Variants in DMD observed in about 807,000 individuals in gnomAD.
DMD encodes mutant dystrophin.
DMD carries 63 observed loss-of-function variants against 330.1 expected under a neutral mutation model. That is an observed-to-expected ratio of 0.19 (90% CI 0.16 to 0.24). The LOEUF (loss-of-function observed/expected upper bound fraction) is 0.24, where lower values mean the gene tolerates loss of function less well. Among genes scored for constraint, DMD ranks in the 10% least tolerant of loss-of-function variants. DMD has a pLI of 1.00. For synonymous variants in DMD, 1,223 were observed against 959.8 expected (o/e 1.27, Z -5.07); for missense variants, 3,344 against 2,684.1 (o/e 1.25, Z -5.43).
intron 37 of DMD, among the ~76,000 whole-genome samples, chrX:32,360,400 G>C (rs529952316): frequency 7.2e-5 from 8 of 111,454 alleles, no homozygotes; most frequent in African/African-American, 2.6e-4. Flanking sequence ...CCCTAAAATG[G>C]GGTCATTGTT....
At chrX:32,938,963 A>C (rs1168749504) in intron 2 of DMD, among the ~76,000 whole-genome samples, 1 of 110,835 alleles carries the variant, frequency 9.0e-6, no homozygotes, top group Non-Finnish European at 1.9e-5. Context: ...GAGAAAAAAA[A>C]TAGTTGTTGC....
chrX:32,859,783 T>C (rs1733288186), intron 2 of DMD, among the ~76,000 whole-genome samples: 1 of 111,410 alleles, frequency 9.0e-6, no homozygotes, highest in Non-Finnish European at 1.9e-5. Flanking sequence ...CATGTCTTTG[T>C]TGCAGGTGGC....
chrX:31,736,576 T>G (rs1294292699), intron 51 of DMD, among the ~76,000 whole-genome samples: 1 of 111,941 alleles, frequency 8.9e-6, no homozygotes, highest in Non-Finnish European at 1.9e-5. Flanking sequence ...TTAGAAACAT[T>G]TACTAAACTG....
intron 1 of DMD, among the ~76,000 whole-genome samples, chrX:33,114,901 C>G (rs376293927): frequency 9.0e-6 from 1 of 111,258 alleles, no homozygotes; most frequent in East Asian, 2.8e-4. Flanking sequence ...GTTAATTTGG[C>G]TAAATCTGCC....
chrX:32,666,023 G>A (rs2061279155), intron 9 of DMD, among the ~76,000 whole-genome samples: 2 of 110,968 alleles, frequency 1.8e-5, no homozygotes, highest in South Asian at 7.6e-4. Context: ...CTCAAGAACT[G>A]TTGAAAAAAT....
intron 74 of DMD, among the ~76,000 whole-genome samples, chrX:31,152,826 C>T (rs939841981): frequency 7.1e-5 from 8 of 112,871 alleles, no homozygotes; most frequent in Non-Finnish European, 1.5e-4. Flanking sequence ...AGGTGTGAGC[C>T]ACTGTTCCCA....
intron 62 of DMD, among the ~76,000 whole-genome samples, chrX:31,281,080 T>A (rs2052575797): frequency 8.9e-6 from 1 of 111,943 alleles, no homozygotes; most frequent in Admixed American, 9.5e-5. Flanking sequence ...TGGGCAAAAC[T>A]GGCCAAATGA....
chrX:31,816,793 G>GTC (rs1178372759), intron 50 of DMD, among the ~76,000 whole-genome samples: 6 of 26,789 alleles, frequency 2.2e-4, no homozygotes, highest in East Asian at 1.6e-3. Context: ...GCAAGATTCT[G>GTC]TCACACACAC....
At chrX:33,228,961 G>T (rs1013801492) in intron 1 of DMD, among the ~76,000 whole-genome samples, 3 of 110,475 alleles carry the variant, frequency 2.7e-5, no homozygotes, top group African/African-American at 9.8e-5. Flanking sequence ...ATATTTGCTT[G>T]ATGTCTAGTG....
intron 7 of DMD, among the ~76,000 whole-genome samples, chrX:32,732,837 G>T (rs769852059): frequency 9.1e-6 from 1 of 109,975 alleles, no homozygotes; most frequent in African/African-American, 3.3e-5. Flanking sequence ...ATTGAGACTA[G>T]GAAGAAACTG....
chrX:32,673,062 CGTGTGT>C (rs1424482823), intron 9 of DMD, among the ~76,000 whole-genome samples: 1 of 110,670 alleles, frequency 9.0e-6, no homozygotes, highest in African/African-American at 3.3e-5. Context: ...TGTGCATGTG[CGTGTGT>C]GTGTCTGCAT....
intron 44 of DMD, among the ~76,000 whole-genome samples, chrX:32,062,387 T>C (rs1170240703): frequency 9.0e-6 from 1 of 111,080 alleles, no homozygotes; most frequent in Non-Finnish European, 1.9e-5. Flanking sequence ...TGACAAGAGC[T>C]AGACACAGAA....
intron 11 of DMD, among the ~76,000 whole-genome samples, chrX:32,633,654 A>C (rs1041965920): frequency 8.9e-6 from 1 of 111,976 alleles, no homozygotes; most frequent in African/African-American, 3.3e-5. Context: ...GTAATTTATA[A>C]AGAAAAGACG....
chrX:33,267,623 C>G (rs1197035425), intron 1 of DMD, among the ~76,000 whole-genome samples: 2 of 111,777 alleles, frequency 1.8e-5, no homozygotes, highest in Admixed American at 1.9e-4. Context: ...ATAATTCACA[C>G]CACAGTACAT....
chrX:33,242,280 T>A lies in DMD; in HGVS notation c.7+96979A>T, dbSNP rs191244416. Among the ~76,000 whole-genome samples, 383 of 111,066 alleles carry A rather than the reference T, an allele frequency of 3.4e-3. 1 individual carries two copies. The highest frequency in any genetic ancestry group is 0.011 in the African/African-American group (332 of 30,482). ...GCCTCCCCCAACTCTTCTCCCCAAGTCCCCAAAGTCCATTGTATTATTCTT... is the reference window on the plus strand; with the variant it reads ...GCCTCCCCCAACTCTTCTCCCCAAGACCCCAAAGTCCATTGTATTATTCTT... On this transcript the variant is annotated intron_variant, in intron 1 of 17. Coordinates refer to the DMD transcript ENST00000288447.
At chrX:32,610,159 A>G (rs892156659) in intron 12 of DMD, among the ~76,000 whole-genome samples, 3 of 111,183 alleles carry the variant, frequency 2.7e-5, no homozygotes, top group Non-Finnish European at 5.7e-5. Context: ...TATATGTGAT[A>G]TATTTTTTCA....
At chrX:31,993,700 TAAC>T (rs1489034583) in intron 44 of DMD, among the ~76,000 whole-genome samples, 1 of 112,030 alleles carries the variant, frequency 8.9e-6, no homozygotes, top group Non-Finnish European at 1.9e-5. Context: ...GTAAGAGACT[TAAC>T]AAAGACAAAA....
intron 2 of DMD, among the ~76,000 whole-genome samples, chrX:33,009,018 G>T (rs2093484105): frequency 1.1e-5 from 1 of 94,077 alleles, no homozygotes; most frequent in Non-Finnish European, 2.1e-5. Flanking sequence ...ACATACACAC[G>T]TATATATACA....
chrX:32,689,857 T>TA (rs754724343), intron 9 of DMD, among the ~76,000 whole-genome samples: 3 of 109,967 alleles, frequency 2.7e-5, no homozygotes, highest in Admixed American at 9.8e-5. Flanking sequence ...TTTCACTATT[T>TA]AAAAAAAACC....
Sources: allele counts gnomAD v4.1 joint callset (sites outside exome capture counted in the v4.1 genomes callset), GRCh38; gene constraint gnomAD v4.1.1; transcripts MANE v1.5; gene names NCBI Gene and HGNC (gene_info 2026-07-23, HGNC 2026-07-21).